CFAP92: variants seen among roughly 807,000 people sequenced by gnomAD.
CFAP92 encodes cilia and flagella associated protein 92 (putative).
In CFAP92, 86 loss-of-function variants were observed where a neutral mutation model predicts 106.3. The ratio of observed to expected loss-of-function variants is 0.81; its 90% CI spans 0.68 to 0.97. The LOEUF (loss-of-function observed/expected upper bound fraction) is 0.97, where lower values mean the gene tolerates loss of function less well. CFAP92 is among the 50% of genes least tolerant of loss of function. The probability of loss-of-function intolerance (pLI) is 0.00; values close to 1 mark genes in which losing one functional copy is unlikely to be tolerated. For synonymous variants in CFAP92, 477 were observed against 506.4 expected, an observed-to-expected ratio of 0.94 and a Z score of 0.78; for missense variants, 1,204 against 1,283.8, an observed-to-expected ratio of 0.94 and a Z score of 0.95.
chr3:128,922,862 C>T (rs1007426272), intron 12 of CFAP92, among the ~76,000 whole-genome samples: 1 of 152,206 alleles, frequency 6.6e-6, no homozygotes, highest in African/African-American at 2.4e-5. Context: ...CTAGTGGACC[C>T]ACCTGTATGG....
intron 9 of CFAP92, among the ~76,000 whole-genome samples, chr3:128,956,215 T>TAAAAAAAAAAAAAAAAAAAAAA (rs545191144): frequency 1.5e-5 from 1 of 68,754 alleles, no homozygotes; most frequent in East Asian, 4.1e-4. Context: ...AATAAAAAAA[T>TAAAAAAAAAAAAAAAAAAAAAA]AAAAAAAAAA....
At chr3:128,911,711 G>A (rs1195756877) in intron 15 of CFAP92, among the ~76,000 whole-genome samples, 1 of 152,226 alleles carries the variant, frequency 6.6e-6, no homozygotes, top group Non-Finnish European at 1.5e-5. Flanking sequence ...CAAAGTGCTG[G>A]GATTACAGGC....
intron 7 of CFAP92, 128 bp downstream of exon 7, chr3:128,975,651 C>G: frequency 1.2e-6 from 1 of 817,400 alleles, no homozygotes; most frequent in Non-Finnish European, 1.9e-6. Flanking sequence ...GTATACAGTA[C>G]TCTTACTTTT....
At chr3:128,960,734 C>A (rs1236768667) in intron 9 of CFAP92, among the ~76,000 whole-genome samples, 1 of 152,036 alleles carries the variant, frequency 6.6e-6, no homozygotes, top group East Asian at 1.9e-4. Flanking sequence ...GGGCAAGTAC[C>A]CGTGAACCCC....
intron 9 of CFAP92, among the ~76,000 whole-genome samples, chr3:128,956,215 T>TAAAAAAAAAAAAAAAAAAAAAAAAAAA (rs545191144): frequency 1.5e-5 from 1 of 68,754 alleles, no homozygotes; most frequent in Non-Finnish European, 3.0e-5. Flanking sequence ...AATAAAAAAA[T>TAAAAAAAAAAAAAAAAAAAAAAAAAAA]AAAAAAAAAA....
the CFAP92 span, among the ~76,000 whole-genome samples, chr3:129,023,622 G>A: frequency 3.0e-4 from 45 of 152,268 alleles, no homozygotes; most frequent in South Asian, 8.3e-4. Context: ...GTGAGCCACC[G>A]CGCCTGGCCA....
In CFAP92 at chr3:128,974,976, C is replaced by G. The variant is rs186636097; in HGVS notation, c.1021+803G>C. Reference sequence around the variant, plus strand: ...TCTAATAAAAACACAAAAAATTAGCCAGGCGTGGTGGCGGGCGCCTGTAGT... The same window carrying G: ...TCTAATAAAAACACAAAAAATTAGCGAGGCGTGGTGGCGGGCGCCTGTAGT... On this transcript the variant is annotated intron_variant, in intron 7 of 15. Coordinates refer to ENST00000645291, the MANE Select transcript of CFAP92 (RefSeq NM_001394090.1). Among the ~76,000 whole-genome samples the G allele has an allele frequency of 4.7e-3, 713 of 150,854 alleles. 9 individuals carry two copies. Among genetic ancestry groups the G allele is most frequent in the African/African-American group, 0.015 (617 of 40,986 alleles).
chr3:129,026,636 T>C, the CFAP92 span, among the ~76,000 whole-genome samples: 1 of 152,168 alleles, frequency 6.6e-6, no homozygotes, highest in Non-Finnish European at 1.5e-5. Flanking sequence ...TATGGGGCCA[T>C]ATAACCAGGT....
At chr3:128,977,899 C>CGTGTGGCAGG (rs1943259044) in intron 5 of CFAP92, 146 bp downstream of exon 5, 1 of 874,924 alleles carries the variant, frequency 1.1e-6, no homozygotes, top group Non-Finnish European at 1.8e-6. Flanking sequence ...GCAATACAGC[C>CGTGTGGCAGG]GTGTGGCAGG....
intron 14 of CFAP92, 21 bp from the exon 15 acceptor site, chr3:128,915,296 A>C (rs1302934001): frequency 6.5e-7 from 1 of 1,535,836 alleles, no homozygotes; most frequent in African/African-American, 1.4e-5. Flanking sequence ...GGAGTAAGTA[A>C]ATCAGGAGGA....
chr3:128,980,709 CGAG>C (rs1425326497), intron 4 of CFAP92, among the ~76,000 whole-genome samples: 3 of 152,216 alleles, frequency 2.0e-5, no homozygotes, highest in South Asian at 2.1e-4. Flanking sequence ...AGCCTCTTCA[CGAG>C]GAGTAGATTC....
chr3:129,019,715 A>G, the CFAP92 span, among the ~76,000 whole-genome samples: 7 of 152,062 alleles, frequency 4.6e-5, no homozygotes, highest in Non-Finnish European at 8.8e-5. Context: ...TGTAGCTAGC[A>G]TAACTGAGGA....
intron 12 of CFAP92, among the ~76,000 whole-genome samples, chr3:128,918,771 A>T (rs1937025599): frequency 6.6e-6 from 1 of 152,162 alleles, no homozygotes; most frequent in African/African-American, 2.4e-5. Flanking sequence ...GGTCTTCAGG[A>T]TAACCACCTT....
rs375148155 is a variant in CFAP92 at position 128,988,840 on chromosome 3, C to T, written c.341G>A (p.Arg114His). 3.2e-5 allele frequency: 51 copies of T among 1,613,618 alleles called. No homozygotes were observed. The highest frequency in any genetic ancestry group is 3.8e-5 in the Non-Finnish European group (45 of 1,179,724). The part of the protein sequence containing the change: ...PKTDSSVTKM[R>H]RFYHIEYFLL... ...GAAATACTCAATGTGGTAAAAACGA[C>T]GCATCTTTGTAACAGAACTGTCTGT... The change falls in exon 3 of 16, where the codon CGT becomes CAT. Residue 114 changes from arginine to histidine, a missense_variant. Coordinates refer to ENST00000645291, the MANE Select transcript of CFAP92 (RefSeq NM_001394090.1).
Position 128,988,899 on chromosome 3 carries a change from T to G in CFAP92, c.282A>C (p.Ala94=), listed in dbSNP as rs1247406404. Reference sequence around the variant, plus strand: ...GTTTCTTATATTTTTCAATCAAACTTGCATATTTTCCCTTCTGACCTTGAA... The same window carrying G: ...GTTTCTTATATTTTTCAATCAAACTGGCATATTTTCCCTTCTGACCTTGAA... ...PVNMGQKGKY[A]SLIEKYKKHP... Residue 94 remains alanine (A), a synonymous_variant, in exon 3 of 16, where the codon GCA becomes GCC. Coordinates refer to ENST00000645291, the MANE Select transcript of CFAP92 (RefSeq NM_001394090.1). The G allele has an allele frequency of 6.2e-7, 1 of 1,613,252 alleles. No individual in the cohort carries two copies. Among genetic ancestry groups the G allele is most frequent in the South Asian group, 1.1e-5 (1 of 90,992 alleles).
intron 4 of CFAP92, among the ~76,000 whole-genome samples, chr3:128,982,906 T>C (rs1275184120): frequency 6.6e-6 from 1 of 152,106 alleles, no homozygotes; most frequent in African/African-American, 2.4e-5. Flanking sequence ...CTCCAAACAT[T>C]TACAATAGTG....
intron 9 of CFAP92, among the ~76,000 whole-genome samples, chr3:128,947,542 A>G (rs1940349213): frequency 6.6e-6 from 1 of 152,268 alleles, no homozygotes. Context: ...TGCTGAAAGG[A>G]CAGACACAGA....
At chr3:128,933,387 T>TTA (rs1238302639) in intron 11 of CFAP92, among the ~76,000 whole-genome samples, 1 of 151,992 alleles carries the variant, frequency 6.6e-6, no homozygotes, top group Non-Finnish European at 1.5e-5. Context: ...GGCTGGCTGT[T>TTA]AATAGAGGAG....
At chr3:129,022,364 G>C in the CFAP92 span, among the ~76,000 whole-genome samples, 2 of 152,220 alleles carry the variant, frequency 1.3e-5, no homozygotes, top group African/African-American at 4.8e-5. Flanking sequence ...TGGAACCCAG[G>C]TTTGCGGCTC....
Sources: gnomAD v4.1 joint callset for allele counts (sites outside exome capture counted in the v4.1 genomes callset) on GRCh38, gnomAD v4.1.1 for gene constraint, MANE v1.5 for transcripts, NCBI Gene and HGNC (gene_info 2026-07-23, HGNC 2026-07-21) for gene names.